The following BABAM2 variants were observed in gnomAD, a reference collection of about 807,000 sequenced individuals.
BABAM2 encodes the protein BRISC and BRCA1-A complex member 2.
In BABAM2, 31 loss-of-function variants were observed where a neutral mutation model predicts 54.7. The ratio of observed to expected loss-of-function variants is 0.57; its 90% confidence interval spans 0.43 to 0.77. The LOEUF is 0.77. Ranked by LOEUF, BABAM2 falls within the 30% of genes least tolerant of loss-of-function variation. The probability of loss-of-function intolerance (pLI) is 0.00; values close to 1 mark genes in which losing one functional copy is unlikely to be tolerated. For missense variants in BABAM2, 364 were observed against 455.8 expected (o/e 0.80, Z 1.83); for synonymous variants, 167 against 162.9 (o/e 1.03, Z -0.19).
At chr2:28,256,340 T>C (rs1683973962) in intron 10 of BABAM2, among the ~76,000 whole-genome samples, 1 of 152,218 alleles carries the variant, frequency 6.6e-6, no homozygotes, top group Non-Finnish European at 1.5e-5. Flanking sequence ...ACCAAAGTTA[T>C]TACTGCTAAA....
chr2:28,138,572 A>G (rs1670745629), intron 7 of BABAM2, among the ~76,000 whole-genome samples: 1 of 152,176 alleles, frequency 6.6e-6, no homozygotes, highest in Non-Finnish European at 1.5e-5. Context: ...TGTCTTCTAT[A>G]TTGTCTCATG....
At chr2:28,216,039 A>G (rs1372231009) in intron 7 of BABAM2, among the ~76,000 whole-genome samples, 1 of 152,212 alleles carries the variant, frequency 6.6e-6, no homozygotes, top group Non-Finnish European at 1.5e-5. Flanking sequence ...AAAAGCTTTG[A>G]TGGTGCCCAG....
At chr2:28,288,536 G>A (rs1024186962) in intron 10 of BABAM2, among the ~76,000 whole-genome samples, 1 of 152,040 alleles carries the variant, frequency 6.6e-6, no homozygotes, top group Non-Finnish European at 1.5e-5. Flanking sequence ...ATGTTCGTCA[G>A]GCTGGTCTCA....
intron 9 of BABAM2, among the ~76,000 whole-genome samples, chr2:28,242,522 G>A (rs1682539614): frequency 6.6e-6 from 1 of 152,160 alleles, no homozygotes; most frequent in Non-Finnish European, 1.5e-5. Context: ...TGTCGTTAAC[G>A]AGGCACTAAG....
At chr2:28,031,323 C>T (rs990607006) in intron 5 of BABAM2, among the ~76,000 whole-genome samples, 3 of 152,050 alleles carry the variant, frequency 2.0e-5, no homozygotes, top group Admixed American at 6.6e-5. Flanking sequence ...CCTTTGACCC[C>T]GTCTTGTTAA....
rs989700230 is a variant in BABAM2 at position 28,329,008 on chromosome 2, T to C, written c.1089-9442T>C. 6.6e-6 allele frequency among the ~76,000 whole-genome samples: 1 copy of C among 152,222 alleles called. No individual in the cohort carries two copies. Among genetic ancestry groups the C allele is most frequent in the Non-Finnish European group, 1.5e-5 (1 of 68,028 alleles). ...AATCAATAAAGCATTGTAATTCCAG[T>C]AGGAAAGAACCCTTTAGATGAGACT... On this transcript the variant is annotated intron_variant, in intron 11 of 11. Coordinates refer to ENST00000379624, the MANE Select transcript of BABAM2 (RefSeq NM_199191.3). This position sits in a 1 kb window ranked among gnomAD's most constrained non-coding sequence, Gnocchi z 4.2.
chr2:28,315,241 T>C, intron 11 of BABAM2, among the ~76,000 whole-genome samples: 1 of 151,948 alleles, frequency 6.6e-6, no homozygotes, highest in East Asian at 1.9e-4. Flanking sequence ...TTTTTGTTTG[T>C]TTGTTTGTTT....
chr2:28,175,562 G>A (rs1303418339), intron 7 of BABAM2, among the ~76,000 whole-genome samples: 2 of 152,208 alleles, frequency 1.3e-5, no homozygotes. Flanking sequence ...GCACCCACCT[G>A]CATGTTCTAC....
chr2:28,234,945 G>A (rs952244067), intron 7 of BABAM2, among the ~76,000 whole-genome samples: 2 of 152,206 alleles, frequency 1.3e-5, no homozygotes, highest in Admixed American at 6.5e-5. Context: ...GTAGCAAAAG[G>A]AAATGATGGC....
intron 4 of BABAM2, among the ~76,000 whole-genome samples, chr2:28,008,181 C>T (rs1287461857): frequency 6.6e-6 from 1 of 152,104 alleles, no homozygotes; most frequent in Non-Finnish European, 1.5e-5. Flanking sequence ...TTCTTATGAA[C>T]ATTAGTGGGT....
intron 4 of BABAM2, among the ~76,000 whole-genome samples, chr2:27,998,559 G>C (rs55759983): frequency 1.9e-4 from 29 of 151,864 alleles, no homozygotes; most frequent in Middle Eastern, 6.8e-3. Flanking sequence ...ATTGGTTTCT[G>C]TTCTTTTGAT....
At chr2:28,281,726 C>T (rs1412168826) in intron 10 of BABAM2, among the ~76,000 whole-genome samples, 1 of 152,210 alleles carries the variant, frequency 6.6e-6, no homozygotes, top group East Asian at 1.9e-4. Context: ...GGCTTGAATT[C>T]AAGGCCAGCT....
intron 3 of BABAM2, among the ~76,000 whole-genome samples, chr2:27,936,923 A>G (rs1224534691): frequency 6.6e-6 from 1 of 152,194 alleles, no homozygotes; most frequent in Non-Finnish European, 1.5e-5. Flanking sequence ...CATTGTGTAC[A>G]TGTACCCTGA....
intron 2 of BABAM2, among the ~76,000 whole-genome samples, chr2:27,922,344 A>G (rs2148333058): frequency 1.3e-5 from 2 of 152,350 alleles, no homozygotes; most frequent in East Asian, 1.9e-4. Context: ...ACAAGGAGAA[A>G]AATAGACAAA....
At chr2:28,084,705 G>A (rs964627012) in intron 6 of BABAM2, among the ~76,000 whole-genome samples, 2 of 151,976 alleles carry the variant, frequency 1.3e-5, no homozygotes, top group Admixed American at 1.3e-4. Flanking sequence ...AATGAATCCA[G>A]GGAGCCAAGT....
intron 7 of BABAM2, among the ~76,000 whole-genome samples, chr2:28,165,979 A>G (rs1411151948): frequency 6.6e-6 from 1 of 152,206 alleles, no homozygotes; most frequent in Non-Finnish European, 1.5e-5. Flanking sequence ...TTAGATTAGA[A>G]TGAGGTCATC....
rs1675043534 is a variant in BABAM2 at position 28,018,875 on chromosome 2, C to T, written c.301-6351C>T. ...TACTTTAAGTTCTGGGATACATGTG[C>T]AGGACGTGCAGGTTTGTTATATAGG... is the stretch of plus-strand genomic sequence containing the variant. On this transcript the variant is annotated intron_variant, in intron 4 of 11. Transcript: ENST00000379624. Among the ~76,000 whole-genome samples, 4 of 152,114 alleles carry T rather than the reference C, an allele frequency of 2.6e-5. No individual in the cohort carries two copies. In the South Asian group the frequency reaches 8.3e-4, roughly 32 times the overall value.
At chr2:28,079,764 G>A (rs1053913739) in intron 6 of BABAM2, among the ~76,000 whole-genome samples, 2 of 152,054 alleles carry the variant, frequency 1.3e-5, no homozygotes, top group East Asian at 3.9e-4. Context: ...AAGTAAAGGT[G>A]GGTGGATTTC....
intron 3 of BABAM2, among the ~76,000 whole-genome samples, chr2:27,937,114 A>C (rs1434745534): frequency 3.9e-5 from 6 of 152,148 alleles, no homozygotes; most frequent in Non-Finnish European, 8.8e-5. Context: ...TACTCGCTTT[A>C]TTGCATTGGT....
Sources: allele counts gnomAD v4.1 joint callset (sites outside exome capture counted in the v4.1 genomes callset), GRCh38; gene constraint gnomAD v4.1.1; non-coding constraint Gnocchi (gnomAD v3.1); transcripts MANE v1.5; gene names NCBI Gene and HGNC (gene_info 2026-07-23, HGNC 2026-07-21).